SOX5: variants seen among roughly 807,000 people sequenced by gnomAD.
The protein encoded by SOX5 is SRY-box transcription factor 5.
In SOX5, 9 loss-of-function variants were observed where a neutral mutation model predicts 92.0. The observed-to-expected ratio is 0.10, with a 90% CI of 0.06 to 0.17. The LOEUF is 0.17. Ranked by LOEUF, SOX5 falls within the 10% of genes least tolerant of loss-of-function variation. The pLI is 1.00. For missense variants in SOX5, 642 were observed against 944.5 expected (o/e 0.68, Z 4.20); for synonymous variants, 344 against 336.3 (o/e 1.02, Z -0.25).
At chr12:24,290,711 G>A (rs960744380) in intron 2 of SOX5, among the ~76,000 whole-genome samples, 1 of 152,162 alleles carries the variant, frequency 6.6e-6, no homozygotes, top group African/African-American at 2.4e-5. Context: ...CTATAAAGAG[G>A]GAGAGATATA....
At chr12:24,549,671 C>A (rs1952961689) in intron 1 of SOX5, among the ~76,000 whole-genome samples, 1 of 152,148 alleles carries the variant, frequency 6.6e-6, no homozygotes, top group Admixed American at 6.5e-5. Context: ...TCAGCTTGAA[C>A]CAGATCACAA....
chr12:24,378,409 G>T (rs1237847898), intron 1 of SOX5, among the ~76,000 whole-genome samples: 1 of 152,140 alleles, frequency 6.6e-6, no homozygotes, highest in Admixed American at 6.5e-5. Context: ...TACATAATTT[G>T]CAATTCAAAC....
chr12:24,324,111 T>A (rs1950456914), intron 2 of SOX5, among the ~76,000 whole-genome samples: 2 of 152,174 alleles, frequency 1.3e-5, no homozygotes, highest in African/African-American at 2.4e-5. Context: ...AATTATGGAA[T>A]TGGGTCTTAT....
chr12:23,672,087 CAAA>C (rs77752280), intron 6 of SOX5, among the ~76,000 whole-genome samples: 15 of 145,534 alleles, frequency 1.0e-4, no homozygotes, highest in African/African-American at 3.8e-4. Flanking sequence ...AAAAACAAAA[CAAA>C]AAAAAAAGGA....
intron 1 of SOX5, among the ~76,000 whole-genome samples, chr12:24,546,977 G>A (rs902018845): frequency 5.9e-5 from 9 of 152,006 alleles, no homozygotes; most frequent in Non-Finnish European, 1.2e-4. Context: ...AAAAGTCAAA[G>A]TAATCAGTAT....
rs1963586248 is a variant in SOX5 at position 24,232,418 on chromosome 12, A to G, written c.-76-19001T>C. On this transcript the variant is annotated intron_variant, in intron 3 of 4. Transcript: ENST00000446891. ...CTTATGGCTGTAAAGATGTAAGAAC[A>G]ATTTCTTGACACAAAGAGAAGCATA... Among the ~76,000 whole-genome samples the G allele has an allele frequency of 2.0e-5, 3 of 152,234 alleles. No individual in the cohort carries two copies. The South Asian group carries it at 6.2e-4, about 32-fold the overall frequency.
At chr12:23,553,214 T>C (rs1276553835) in intron 11 of SOX5, among the ~76,000 whole-genome samples, 1 of 152,042 alleles carries the variant, frequency 6.6e-6, no homozygotes, top group African/African-American at 2.4e-5. Flanking sequence ...AAAACAAAAA[T>C]CTGATTGCTT....
intron 11 of SOX5, among the ~76,000 whole-genome samples, chr12:23,562,315 C>A (rs1018480161): frequency 5.3e-5 from 8 of 152,140 alleles, no homozygotes; most frequent in Non-Finnish European, 1.0e-4. Flanking sequence ...ATACATTTCA[C>A]CTTCCCTATG....
chr12:23,801,105 CTTG>C (rs909285270), intron 3 of SOX5, among the ~76,000 whole-genome samples: 4 of 152,164 alleles, frequency 2.6e-5, no homozygotes, highest in African/African-American at 9.6e-5. Context: ...AATAGGAAGT[CTTG>C]TTACTTGTCT....
intron 8 of SOX5, among the ~76,000 whole-genome samples, chr12:23,632,939 T>G (rs2078742586): frequency 6.6e-6 from 1 of 152,162 alleles, no homozygotes; most frequent in Non-Finnish European, 1.5e-5. Flanking sequence ...TTATTATGAA[T>G]TTTTAAAATA....
At chr12:23,872,917 C>T (rs1207455477) in intron 2 of SOX5, among the ~76,000 whole-genome samples, 1 of 152,166 alleles carries the variant, frequency 6.6e-6, no homozygotes, top group Non-Finnish European at 1.5e-5. Context: ...TCTTCATATT[C>T]AGTGACTAAT....
At chr12:24,373,202 A>G (rs1201531910) in intron 1 of SOX5, among the ~76,000 whole-genome samples, 1 of 152,202 alleles carries the variant, frequency 6.6e-6, no homozygotes, top group Admixed American at 6.5e-5. Context: ...GATCATTGAA[A>G]AGGAATCTCT....
chr12:24,237,725 A>C (rs1180411061), intron 3 of SOX5: 1 of 152,188 alleles, frequency 6.6e-6, no homozygotes, highest in Admixed American at 6.6e-5. Context: ...ATTTTATTTA[A>C]TTACTTATTT....
chr12:23,828,143 T>C (rs1260273674), intron 3 of SOX5, among the ~76,000 whole-genome samples: 1 of 152,166 alleles, frequency 6.6e-6, no homozygotes, highest in Non-Finnish European at 1.5e-5. Context: ...ACTTTTTTGT[T>C]ACAATTGCCT....
intron 7 of SOX5, among the ~76,000 whole-genome samples, chr12:23,645,609 A>G (rs1170567761): frequency 6.6e-6 from 1 of 152,210 alleles, no homozygotes; most frequent in African/African-American, 2.4e-5. Flanking sequence ...CATTACTTGC[A>G]TCTAATTATT....
intron 4 of SOX5, among the ~76,000 whole-genome samples, chr12:24,075,135 G>A (rs1942380450): frequency 6.6e-6 from 1 of 151,496 alleles, no homozygotes; most frequent in Admixed American, 6.6e-5. Flanking sequence ...TGAGCGTGGT[G>A]GTGCTTGCTT....
intron 9 of SOX5, among the ~76,000 whole-genome samples, chr12:23,596,100 A>G (rs1180322435): frequency 6.6e-6 from 1 of 152,176 alleles, no homozygotes; most frequent in Non-Finnish European, 1.5e-5. Flanking sequence ...CTCTATAAAT[A>G]AAATGTCTTA....
At chr12:24,344,017 G>A (rs1952893758) in intron 2 of SOX5, among the ~76,000 whole-genome samples, 1 of 151,980 alleles carries the variant, frequency 6.6e-6, no homozygotes, top group Non-Finnish European at 1.5e-5. Context: ...GGGTGCAGGG[G>A]CTCACACCTG....
chr12:24,101,150 A>G (rs778998916), intron 4 of SOX5, among the ~76,000 whole-genome samples: 1 of 152,148 alleles, frequency 6.6e-6, no homozygotes, highest in Non-Finnish European at 1.5e-5. Context: ...CTCAGAAGGA[A>G]AACTAAACTT....
Sources: allele counts gnomAD v4.1 joint callset (sites outside exome capture counted in the v4.1 genomes callset), GRCh38; gene constraint gnomAD v4.1.1; transcripts MANE v1.5; gene names NCBI Gene and HGNC (gene_info 2026-07-23, HGNC 2026-07-21).